MSRB3: variants seen among roughly 807,000 people sequenced by gnomAD.
MSRB3 encodes methionine sulfoxide reductase B3.
MSRB3 carries 13 observed loss-of-function variants against 21.0 expected under a neutral mutation model. The observed-to-expected ratio is 0.62, with a 90% confidence interval of 0.40 to 0.98. The LOEUF (loss-of-function observed/expected upper bound fraction) is 0.98. MSRB3 is among the 50% of genes least tolerant of loss of function. The pLI is 0.00. For missense variants in MSRB3, 199 were observed against 230.3 expected (o/e 0.86, Z 0.88); for synonymous variants, 87 against 88.6 (o/e 0.98, Z 0.10).
chr12:65,406,881 G>A (rs1375665605), intron 5 of MSRB3, among the ~76,000 whole-genome samples: 1 of 152,194 alleles, frequency 6.6e-6, no homozygotes, highest in Non-Finnish European at 1.5e-5. Flanking sequence ...GTTACACTGT[G>A]TGAGGACCTG....
intron 2 of MSRB3, 52 bp from the exon 3 acceptor site, chr12:65,326,774 T>C (rs536965000): frequency 2.4e-4 from 348 of 1,429,386 alleles, no homozygotes; most frequent in Non-Finnish European, 3.2e-4. Flanking sequence ...AAAGCAATTA[T>C]TTAGGATTCA....
chr12:65,288,307 C>CAAAAA (rs921177297), intron 1 of MSRB3, among the ~76,000 whole-genome samples: 2 of 63,782 alleles, frequency 3.1e-5, no homozygotes, highest in African/African-American at 1.1e-4. Context: ...GTCCCCCCCG[C>CAAAAA]AAAAAAAAAA....
intron 1 of MSRB3, chr12:65,284,123 C>T (rs921007952): frequency 2.6e-5 from 4 of 152,232 alleles, no homozygotes; most frequent in Admixed American, 2.6e-4. Flanking sequence ...CAATAAAGTA[C>T]AAATATGGAA....
intron 2 of MSRB3, among the ~76,000 whole-genome samples, chr12:65,321,822 A>G (rs890693124): frequency 9.2e-5 from 14 of 152,214 alleles, no homozygotes; most frequent in Admixed American, 2.0e-4. Flanking sequence ...CCAAATTTAC[A>G]GTGAAAAATA....
At chr12:65,385,413 G>T (rs10878268) in intron 5 of MSRB3, among the ~76,000 whole-genome samples, 101,168 of 151,806 alleles carry the variant, frequency 0.67, 33,886 homozygotes, top group Admixed American at 0.73. Flanking sequence ...TAGGAAAACT[G>T]GTATTGATTT....
At chr12:65,278,982 G>A in intron 1 of MSRB3, 117 bp downstream of exon 1, 3 of 1,492,336 alleles carry the variant, frequency 2.0e-6, no homozygotes, top group Middle Eastern at 1.7e-4. Flanking sequence ...CGCCCCCTCG[G>A]CCACCTGCGG....
intron 5 of MSRB3, among the ~76,000 whole-genome samples, chr12:65,369,802 A>C (rs533849405): frequency 6.6e-6 from 1 of 152,314 alleles, no homozygotes; most frequent in African/African-American, 2.4e-5. Flanking sequence ...TTTGAATTCC[A>C]GGAGAAAATA....
chr12:65,411,905 A>G (rs543573876), intron 5 of MSRB3, among the ~76,000 whole-genome samples: 2 of 151,862 alleles, frequency 1.3e-5, no homozygotes, highest in East Asian at 3.9e-4. Flanking sequence ...CAGGAACAGA[A>G]TGCTAGTGCT....
chr12:65,278,797 C>CCCTCTCGCTCTG lies in MSRB3; in HGVS notation c.-113_-102dup, dbSNP rs769028726. ...AGCCCGCGGCGGACCCTCCCGCGCCCCCTCTCGCTCTGCCTCTCCCTCTGC... is the reference window on the plus strand; with the variant it reads ...AGCCCGCGGCGGACCCTCCCGCGCCCCCTCTCGCTCTGCCTCTCGCTCTGCCTCTCCCTCTGC... On this transcript the variant is annotated 5_prime_UTR_variant, in exon 1 of 7. Coordinates refer to ENST00000308259, the MANE Select transcript of MSRB3 (RefSeq NM_001031679.3). The CCCTCTCGCTCTG allele has an allele frequency of 1.9e-6, 3 of 1,571,606 alleles. No homozygotes were observed. The South Asian group carries it at 3.5e-5, about 18-fold the overall frequency.
At chr12:65,439,598 TG>T (rs1222508036) in intron 5 of MSRB3, among the ~76,000 whole-genome samples, 4 of 151,432 alleles carry the variant, frequency 2.6e-5, no homozygotes, top group Admixed American at 6.6e-5. Flanking sequence ...AATAATCCAA[TG>T]AAACTAGAGA....
chr12:65,353,536 T>G (rs1249338036), intron 4 of MSRB3, among the ~76,000 whole-genome samples: 2 of 152,180 alleles, frequency 1.3e-5, no homozygotes, highest in Non-Finnish European at 2.9e-5. Flanking sequence ...TATCAGAGAC[T>G]AGGATTGCAA....
intron 1 of MSRB3, among the ~76,000 whole-genome samples, chr12:65,306,392 G>A (rs1873656103): frequency 6.6e-6 from 1 of 152,184 alleles, no homozygotes; most frequent in Non-Finnish European, 1.5e-5. Context: ...CTTTAGAACT[G>A]GTTTTCACTT....
At chr12:65,321,795 GACAA>G (rs1874682809) in intron 2 of MSRB3, among the ~76,000 whole-genome samples, 1 of 152,028 alleles carries the variant, frequency 6.6e-6, no homozygotes, top group African/African-American at 2.4e-5. Context: ...GTTTTCCAGT[GACAA>G]ACTAATAACC....
At chr12:65,397,151 T>G (rs1879863870) in intron 5 of MSRB3, among the ~76,000 whole-genome samples, 1 of 152,218 alleles carries the variant, frequency 6.6e-6, no homozygotes, top group African/African-American at 2.4e-5. Flanking sequence ...TGAGCTGAAG[T>G]TCACTCTGTC....
chr12:65,422,387 A>AATATATATATATATATAT (rs1565884963), intron 5 of MSRB3, among the ~76,000 whole-genome samples: 1 of 88,134 alleles, frequency 1.1e-5, no homozygotes, highest in Non-Finnish European at 2.2e-5. Context: ...GGGAGTACAT[A>AATATATATATATATATAT]GTATATATAT....
At chr12:65,408,451 CT>C (rs1332234371) in intron 5 of MSRB3, among the ~76,000 whole-genome samples, 1 of 152,072 alleles carries the variant, frequency 6.6e-6, no homozygotes, top group African/African-American at 2.4e-5. Flanking sequence ...GGTAGTAGGC[CT>C]TTAGTGTGAA....
At chr12:65,415,810 C>T (rs1880940216) in intron 5 of MSRB3, among the ~76,000 whole-genome samples, 1 of 152,170 alleles carries the variant, frequency 6.6e-6, no homozygotes, top group Admixed American at 6.5e-5. Context: ...CCAGCCCCAT[C>T]CTAGATCAAC....
intron 1 of MSRB3, among the ~76,000 whole-genome samples, chr12:65,294,722 A>G (rs112761094): frequency 9.0e-4 from 137 of 152,264 alleles, no homozygotes; most frequent in African/African-American, 3.0e-3. Flanking sequence ...ATTTTATGTT[A>G]TGGACATATT....
At chr12:65,409,849 A>G (rs1880625253) in intron 5 of MSRB3, among the ~76,000 whole-genome samples, 1 of 152,192 alleles carries the variant, frequency 6.6e-6, no homozygotes, top group African/African-American at 2.4e-5. Flanking sequence ...AAGAAACAGA[A>G]TGCTTAGAAT....
Sources: allele counts gnomAD v4.1 joint callset (sites outside exome capture counted in the v4.1 genomes callset), GRCh38; gene constraint gnomAD v4.1.1; transcripts MANE v1.5; gene names NCBI Gene and HGNC (gene_info 2026-07-23, HGNC 2026-07-21).